The following TNPO1 variants were observed in gnomAD, a reference collection of about 807,000 sequenced individuals.
TNPO1 encodes transportin-1.
In TNPO1, 8 loss-of-function variants were observed where a neutral mutation model predicts 119.5. The observed-to-expected ratio is 0.07, with a 90% CI of 0.04 to 0.12. TNPO1 has a LOEUF of 0.12. Among genes scored for constraint, TNPO1 ranks in the 10% least tolerant of loss-of-function variants. The pLI is 1.00. For missense variants in TNPO1, 576 were observed against 1,089.8 expected, an observed-to-expected ratio of 0.53 and a Z score of 6.64; for synonymous variants, 362 against 363.0, an observed-to-expected ratio of 1.00 and a Z score of 0.03.
intron 1 of TNPO1, among the ~76,000 whole-genome samples, chr5:72,824,868 G>A (rs1468074862): frequency 1.3e-5 from 2 of 151,996 alleles, no homozygotes; most frequent in Admixed American, 6.6e-5. Flanking sequence ...TTTAATAATA[G>A]ACATCAAAGT....
intron 7 of TNPO1, among the ~76,000 whole-genome samples, chr5:72,875,209 T>C (rs1012933541): frequency 6.6e-6 from 1 of 152,238 alleles, no homozygotes; most frequent in Admixed American, 6.5e-5. Flanking sequence ...TGTATACTAA[T>C]ATTTGTCGAT....
chr5:72,862,992 TTGTGTG>T (rs71614493), intron 5 of TNPO1, among the ~76,000 whole-genome samples: 11,245 of 144,790 alleles, frequency 0.078, 493 homozygotes, highest in Middle Eastern at 0.13. Flanking sequence ...CTGTGGGTTT[TTGTGTG>T]TGTGTGTGTG....
rs1388475756 is a variant in TNPO1, at chr5:72,914,112, A to G, written c.*5439A>G. ...ACACTATGTTAGAATGTGTCCTTCA[A>G]ACATATCCTCCTGCAACTTCTCAAA... On this transcript the variant is annotated 3_prime_UTR_variant, in exon 25 of 25. Coordinates refer to ENST00000337273, the MANE Select transcript of TNPO1 (RefSeq NM_002270.4). 6.6e-6 allele frequency: 1 copy of G among 152,614 alleles called. No individual in the cohort carries two copies. Among genetic ancestry groups the G allele is most frequent in the Non-Finnish European group, 1.5e-5 (1 of 68,000 alleles). The allele number at this position is 152,614 out of a possible 1,614,324, so 9.5% of individuals were successfully genotyped here. A position where few individuals can be genotyped will look rare whatever the true frequency, so the allele number is the denominator to read the frequency against.
chr5:72,867,397 CGTAACT>C, intron 6 of TNPO1, among the ~76,000 whole-genome samples: 1 of 151,136 alleles, frequency 6.6e-6, no homozygotes, highest in Non-Finnish European at 1.5e-5. Context: ...TCTCTCTCAA[CGTAACT>C]GTTGGACTTC....
intron 1 of TNPO1, among the ~76,000 whole-genome samples, chr5:72,817,831 G>A (rs957287897): frequency 1.9e-4 from 29 of 152,328 alleles, no homozygotes; most frequent in African/African-American, 6.7e-4. Context: ...AGTTCCTGCA[G>A]CTTTTTAAGT....
intron 23 of TNPO1, among the ~76,000 whole-genome samples, chr5:72,905,097 G>A (rs1384379240): frequency 1.3e-5 from 2 of 152,172 alleles, no homozygotes; most frequent in Non-Finnish European, 2.9e-5. Flanking sequence ...GGAATTATGG[G>A]AGTACAATTC....
intron 10 of TNPO1, 52 bp from the exon 11 acceptor site, chr5:72,883,012 A>T: frequency 1.6e-6 from 2 of 1,258,232 alleles, no homozygotes; most frequent in Non-Finnish European, 2.3e-6. Context: ...TCATGTACAT[A>T]CTATTAGCCT....
intron 13 of TNPO1, among the ~76,000 whole-genome samples, chr5:72,889,069 T>C (rs142825739): frequency 3.6e-4 from 55 of 152,176 alleles, no homozygotes; most frequent in Admixed American, 1.8e-3. Context: ...TTTTATTTTA[T>C]TTTTTTTAGA....
chr5:72,886,969 A>T, intron 11 of TNPO1, 101 bp from the exon 12 acceptor site: 1 of 1,073,972 alleles, frequency 9.3e-7, no homozygotes, highest in Non-Finnish European at 1.2e-6. Flanking sequence ...CTTATTTTAA[A>T]ACTCCGTATT....
intron 1 of TNPO1, among the ~76,000 whole-genome samples, chr5:72,828,976 A>G (rs1744328194): frequency 6.6e-6 from 1 of 152,248 alleles, no homozygotes; most frequent in South Asian, 2.1e-4. Context: ...CTTTGGCATA[A>G]ATAAATGATG....
At chr5:72,826,900 CT>C (rs1294033471) in intron 1 of TNPO1, among the ~76,000 whole-genome samples, 3 of 151,282 alleles carry the variant, frequency 2.0e-5, no homozygotes, top group Admixed American at 6.6e-5. Context: ...GTTTGCTTTT[CT>C]TTTTTTTAGC....
chr5:72,890,091 T>C, intron 14 of TNPO1, 134 bp downstream of exon 14: 1 of 969,426 alleles, frequency 1.0e-6, no homozygotes, highest in South Asian at 1.7e-5. Context: ...AGAGTATAGA[T>C]CTTACAAAGG....
In TNPO1 at chr5:72,912,208, A is replaced by T. The variant is rs1750614326; in HGVS notation, c.*3535A>T. The T allele has an allele frequency of 6.6e-6, 1 of 152,516 alleles. No individual in the cohort carries two copies. Among genetic ancestry groups the T allele is most frequent in the Admixed American group, 6.6e-5 (1 of 15,262 alleles). The allele number at this position is 152,516 out of a possible 1,614,324, so 9.4% of individuals were successfully genotyped here. ...TGTTATGCAAGTTAGATTTCAGAAG[A>T]ATAGATTTTAAAACACTTAACCAAG... On this transcript the variant is annotated 3_prime_UTR_variant, in exon 25 of 25. Transcript: ENST00000337273.
rs935753724 is a variant in TNPO1, at chr5:72,856,735, T to C, written c.355+812T>C. On this transcript the variant is annotated intron_variant, in intron 4 of 24. Coordinates refer to ENST00000337273, the MANE Select transcript of TNPO1 (RefSeq NM_002270.4). ...AGTCTTTTCAGAGCGTTCAGCTTAT[T>C]TTCAGGGGCAGTACAACTTTCTGTT... 3.9e-5 allele frequency among the ~76,000 whole-genome samples: 6 copies of C among 152,214 alleles called. No homozygotes were observed. In the East Asian group the frequency reaches 1.2e-3, roughly 29 times the overall value.
chr5:72,892,664 A>G (rs1749150185), intron 15 of TNPO1, among the ~76,000 whole-genome samples: 2 of 152,006 alleles, frequency 1.3e-5, no homozygotes, highest in South Asian at 4.2e-4. Flanking sequence ...TGGCCTATGC[A>G]CCTCCTCCCA....
intron 24 of TNPO1, among the ~76,000 whole-genome samples, chr5:72,906,156 C>T (rs1223245455): frequency 6.6e-6 from 1 of 150,890 alleles, no homozygotes; most frequent in Admixed American, 6.6e-5. Flanking sequence ...TCTGCTGTAA[C>T]AAGGACTTTT....
At chr5:72,896,965 A>T (rs1749478695) in intron 19 of TNPO1, 91 bp from the exon 20 acceptor site, 1 of 602,922 alleles carries the variant, frequency 1.7e-6, no homozygotes, top group Non-Finnish European at 2.7e-6. Flanking sequence ...ATGACATGTC[A>T]GAGTTAATAC....
At chr5:72,853,418 T>C (rs1745740793) in intron 3 of TNPO1, among the ~76,000 whole-genome samples, 1 of 152,190 alleles carries the variant, frequency 6.6e-6, no homozygotes, top group African/African-American at 2.4e-5. Context: ...TCCAGTGTAC[T>C]TAAGTGCTTC....
intron 1 of TNPO1, among the ~76,000 whole-genome samples, chr5:72,821,035 G>T (rs114101114): frequency 6.6e-6 from 1 of 152,040 alleles, no homozygotes; most frequent in Non-Finnish European, 1.5e-5. Flanking sequence ...AAATGAAAAG[G>T]CCCGTAAGTG....
Sources: allele counts gnomAD v4.1 joint callset (sites outside exome capture counted in the v4.1 genomes callset), GRCh38; gene constraint gnomAD v4.1.1; transcripts MANE v1.5; gene names NCBI Gene and HGNC (gene_info 2026-07-23, HGNC 2026-07-21).